Variants in FUT8 observed in about 807,000 individuals in gnomAD.
FUT8 encodes alpha-(1,6)-fucosyltransferase.
Under a neutral mutation model 71.3 loss-of-function variants are expected in FUT8, and 29 were observed. The ratio of observed to expected loss-of-function variants is 0.41; its 90% CI spans 0.30 to 0.55. The LOEUF is 0.55. Ranked by LOEUF, FUT8 falls within the 20% of genes least tolerant of loss-of-function variation. The pLI, the probability that FUT8 is intolerant of heterozygous loss-of-function variation, is 0.34. For synonymous variants in FUT8, 254 were observed against 239.3 expected (o/e 1.06, Z -0.57); for missense variants, 544 against 702.1 (o/e 0.77, Z 2.55).
chr14:65,436,499 G>C (rs1241367536), intron 1 of FUT8, among the ~76,000 whole-genome samples: 1 of 151,696 alleles, frequency 6.6e-6, no homozygotes, highest in Non-Finnish European at 1.5e-5. Flanking sequence ...GTGTGGTGGT[G>C]GGCGCCTGTA....
rs1463834451 is a variant in FUT8, at chr14:65,643,664, ATACACACAC to A, written c.597+14059_597+14067del. Among the ~76,000 whole-genome samples the A allele has an allele frequency of 6.1e-5, 5 of 82,352 alleles. No individual in the cohort carries two copies. The highest frequency in any genetic ancestry group is 1.4e-4 in the Admixed American group (1 of 7,128). The allele number at this position is 82,352 out of a possible 152,430, so 54.0% of individuals were successfully genotyped here. On this transcript the variant is annotated intron_variant, in intron 6 of 10. Coordinates refer to ENST00000673929, the MANE Select transcript of FUT8 (RefSeq NM_001371533.1). The surrounding 1 kb of genome is among the most constrained non-coding windows in gnomAD (Gnocchi z 4.5). ...GCGAGACTCCGTCTTTAAAAAAAAA[ATACACACAC>A]ACACACACACACACACACACACACA... is the stretch of plus-strand genomic sequence containing the variant.
chr14:65,629,466 AT>A (rs1012414178), intron 5 of FUT8, 25 bp from the exon 6 acceptor site: 9 of 1,470,192 alleles, frequency 6.1e-6, no homozygotes, highest in Non-Finnish European at 8.6e-6. Flanking sequence ...GACAAGTTCG[AT>A]CTCCATTGTT....
intron 3 of FUT8, among the ~76,000 whole-genome samples, chr14:65,613,442 A>G (rs1386455237): frequency 1.3e-5 from 2 of 152,118 alleles, no homozygotes; most frequent in African/African-American, 4.8e-5. Flanking sequence ...AAAAAACTAT[A>G]TACCAGGACA....
chr14:65,695,440 TTTG>T (rs1249973825), intron 7 of FUT8, among the ~76,000 whole-genome samples: 1 of 152,204 alleles, frequency 6.6e-6, no homozygotes, highest in African/African-American at 2.4e-5. Context: ...TTTTTTGTTT[TTTG>T]TTCATTTTTT....
chr14:65,462,091 T>G (rs1021606466), intron 2 of FUT8, among the ~76,000 whole-genome samples: 7 of 152,184 alleles, frequency 4.6e-5, no homozygotes, highest in African/African-American at 1.7e-4. Flanking sequence ...TTAAGACATT[T>G]CTAGTTCTCA....
At chr14:65,553,835 TGAAA>T (rs1262905419) in intron 2 of FUT8, among the ~76,000 whole-genome samples, 2 of 151,990 alleles carry the variant, frequency 1.3e-5, no homozygotes, top group African/African-American at 4.8e-5. Flanking sequence ...CCTAGTTACC[TGAAA>T]GATTTTTCTC....
At chr14:65,610,761 T>G (rs1395945042) in intron 3 of FUT8, among the ~76,000 whole-genome samples, 1 of 151,920 alleles carries the variant, frequency 6.6e-6, no homozygotes, top group Non-Finnish European at 1.5e-5. Flanking sequence ...ATTCAGATAA[T>G]GTGTTTTGTA....
chr14:65,443,020 T>C lies in FUT8; in HGVS notation c.-325-12601T>C, dbSNP rs145666640. 8.7e-4 allele frequency among the ~76,000 whole-genome samples: 133 copies of C among 152,226 alleles called. 2 individuals carry two copies. The highest frequency in any genetic ancestry group is 2.9e-3 in the African/African-American group (122 of 41,538). Reference sequence around the variant, plus strand: ...GAAAATGTACCATACTAATATAAGATGTTAATAATAGGGAAAACCGGATAG... The same window carrying C: ...GAAAATGTACCATACTAATATAAGACGTTAATAATAGGGAAAACCGGATAG... On this transcript the variant is annotated intron_variant, in intron 1 of 10. Coordinates refer to ENST00000673929, the MANE Select transcript of FUT8 (RefSeq NM_001371533.1).
At chr14:65,524,258 G>T (rs1012535749) in intron 2 of FUT8, among the ~76,000 whole-genome samples, 1 of 152,126 alleles carries the variant, frequency 6.6e-6, no homozygotes, top group East Asian at 1.9e-4. Context: ...TTGAGCAGTG[G>T]TTTGTAGTTC....
the FUT8 span, among the ~76,000 whole-genome samples, chr14:65,378,836 G>GTTT: frequency 2.7e-5 from 2 of 74,848 alleles, no homozygotes. Flanking sequence ...TTCACAAGAA[G>GTTT]GTTTTTTTTT....
rs150137472 is a variant in FUT8, at chr14:65,420,521, G to A, written c.-326+7307G>A. On this transcript the variant is annotated intron_variant, in intron 1 of 10. Coordinates refer to ENST00000673929, the MANE Select transcript of FUT8 (RefSeq NM_001371533.1). Reference sequence around the variant, plus strand: ...GAAAATGTTTTAATAGGGATCATGTGTTCATTTCTACATGTATATCAGTAT... The same window carrying A: ...GAAAATGTTTTAATAGGGATCATGTATTCATTTCTACATGTATATCAGTAT... Among the ~76,000 whole-genome samples, 954 of 151,982 alleles carry A rather than the reference G, an allele frequency of 6.3e-3. 5 individuals are homozygous for A. Among genetic ancestry groups the A allele is most frequent in the Middle Eastern group, 0.02 (6 of 294 alleles).
intron 3 of FUT8, among the ~76,000 whole-genome samples, chr14:65,595,618 T>C (rs1486954155): frequency 3.6e-5 from 5 of 140,694 alleles, no homozygotes; most frequent in African/African-American, 1.3e-4. Context: ...TTTTTTTTTT[T>C]TTTTTTTTGA....
intron 3 of FUT8, among the ~76,000 whole-genome samples, chr14:65,592,666 T>A (rs543699727): frequency 1.8e-4 from 27 of 152,302 alleles, no homozygotes; most frequent in African/African-American, 6.5e-4. Flanking sequence ...TTCTAGAACA[T>A]CCTTAGAAGT....
chr14:65,468,220 A>G (rs1594664497), intron 2 of FUT8: 2 of 626,394 alleles, frequency 3.2e-6, no homozygotes, highest in Non-Finnish European at 6.0e-6. Context: ...CATTCCCTTG[A>G]TGTCTACAAT....
rs1431571531 is a variant in FUT8, at chr14:65,692,926, G to A, written c.835+23446G>A. On this transcript the variant is annotated intron_variant, in intron 7 of 10. Transcript: ENST00000673929. ...AGACGATGGGCGGCCGGGCAGAGAC[G>A]CTCCTCACTTCCTAGATGGGATGGT... Among the ~76,000 whole-genome samples the A allele has an allele frequency of 2.6e-5, 4 of 151,790 alleles. No homozygotes were observed. The East Asian group carries it at 7.8e-4, about 29-fold the overall frequency.
intron 9 of FUT8, among the ~76,000 whole-genome samples, chr14:65,731,931 T>C (rs1314498326): frequency 6.6e-6 from 1 of 152,256 alleles, no homozygotes; most frequent in Non-Finnish European, 1.5e-5. Context: ...AGTTAGTCTT[T>C]ATTCAAGGAT....
chr14:65,658,932 A>G (rs61988019), intron 6 of FUT8, among the ~76,000 whole-genome samples: 8,951 of 152,162 alleles, frequency 0.059, 318 homozygotes, highest in Admixed American at 0.11. Context: ...TATAATGTCA[A>G]TTTCCTGATT....
At chr14:65,412,344 CT>C (rs1207072019), upstream of FUT8, 1 of 455,968 alleles carries the variant, frequency 2.2e-6, no homozygotes, top group Non-Finnish European at 4.4e-6. Context: ...CGGGTGCCCC[CT>C]AGGGCCGCCG....
chr14:65,587,248 A>G (rs1157378498), intron 3 of FUT8, among the ~76,000 whole-genome samples: 1 of 152,088 alleles, frequency 6.6e-6, no homozygotes. Context: ...TTGTATATTT[A>G]GGAAAACGTT....
Sources: gnomAD v4.1 joint callset for allele counts (sites outside exome capture counted in the v4.1 genomes callset) on GRCh38, gnomAD v4.1.1 for gene constraint, Gnocchi (gnomAD v3.1) non-coding constraint, MANE v1.5 for transcripts, NCBI Gene and HGNC (gene_info 2026-07-23, HGNC 2026-07-21) for gene names.